Variants in FTO observed in about 807,000 individuals in gnomAD.
The protein encoded by FTO is FTO alpha-ketoglutarate dependent dioxygenase.
A neutral mutation model predicts 63.9 loss-of-function variants in FTO; 47 were observed. The ratio of observed to expected loss-of-function variants is 0.74; its 90% CI spans 0.58 to 0.94. FTO has a LOEUF of 0.94. Among genes scored for constraint, FTO ranks in the 40% least tolerant of loss-of-function variants. FTO has a pLI of 0.00. For missense variants in FTO, 562 were observed against 618.1 expected (o/e 0.91, Z 0.96); for synonymous variants, 207 against 224.4 (o/e 0.92, Z 0.69).
At chr16:53,887,101 G>T (rs541317982) in intron 6 of FTO, 1 of 152,304 alleles carries the variant, frequency 6.6e-6, no homozygotes, top group African/African-American at 2.4e-5. Context: ...GATTATTTTA[G>T]TTGCAAGGGG....
rs540090984 is a variant in FTO, at chr16:54,118,576, C to T, written c.*6661C>T. On this transcript the variant is annotated 3_prime_UTR_variant, in exon 9 of 9. Transcript: ENST00000471389. Reference sequence around the variant, plus strand: ...CCACATTACACAGGCTGGTTTCAAACTCCGAGGCTCAAGTGATCTGCCTGC... The same window carrying T: ...CCACATTACACAGGCTGGTTTCAAATTCCGAGGCTCAAGTGATCTGCCTGC... 1.3e-5 allele frequency: 2 copies of T among 152,124 alleles called. No homozygotes were observed. Among genetic ancestry groups the T allele is most frequent in the Non-Finnish European group, 1.5e-5 (1 of 68,060 alleles). The allele number at this position is 152,124 out of a possible 1,614,324, so 9.4% of individuals were successfully genotyped here. A position where few individuals can be genotyped will look rare whatever the true frequency, so the allele number is the denominator to read the frequency against.
intron 1 of FTO, among the ~76,000 whole-genome samples, chr16:53,734,891 G>A (rs2076355648): frequency 6.6e-6 from 1 of 152,166 alleles, no homozygotes; most frequent in South Asian, 2.1e-4. Context: ...AAGTCCCCTA[G>A]CACACTCCTT....
intron 2 of FTO, among the ~76,000 whole-genome samples, chr16:53,820,952 A>G (rs1598745986): frequency 6.6e-6 from 1 of 152,200 alleles, no homozygotes; most frequent in South Asian, 2.1e-4. Flanking sequence ...TCTGAGTGGG[A>G]AAAAAATGGA....
intron 7 of FTO, among the ~76,000 whole-genome samples, chr16:53,916,689 A>G (rs949495720): frequency 2.6e-4 from 39 of 152,380 alleles, no homozygotes; most frequent in African/African-American, 9.1e-4. Flanking sequence ...CAGTATCTGC[A>G]AACTTAAGGA....
intron 7 of FTO, among the ~76,000 whole-genome samples, chr16:53,893,659 A>C (rs1388264204): frequency 2.0e-5 from 3 of 151,806 alleles, no homozygotes; most frequent in Non-Finnish European, 4.4e-5. Flanking sequence ...TTTCCTATTG[A>C]CCTTAAAAAA....
intron 8 of FTO, chr16:54,000,080 T>C (rs1375071793): frequency 2.0e-5 from 3 of 152,240 alleles, no homozygotes; most frequent in Non-Finnish European, 2.9e-5. Flanking sequence ...TAAATGTTTA[T>C]ACTCTATTAG....
At chr16:53,765,545 G>A (rs2077179693) in intron 1 of FTO, among the ~76,000 whole-genome samples, 1 of 124,610 alleles carries the variant, frequency 8.0e-6, no homozygotes. Context: ...CAACAAGAGC[G>A]AAACTCCGTC....
At chr16:54,015,273 G>C (rs187063293) in intron 8 of FTO, among the ~76,000 whole-genome samples, 1 of 152,194 alleles carries the variant, frequency 6.6e-6, no homozygotes, top group African/African-American at 2.4e-5. Flanking sequence ...TTCATGTAAA[G>C]TATTAAACAT....
At chr16:53,995,465 A>G (rs1381258836) in intron 8 of FTO, among the ~76,000 whole-genome samples, 1 of 152,212 alleles carries the variant, frequency 6.6e-6, no homozygotes, top group Admixed American at 6.5e-5. Flanking sequence ...CACCATCGGG[A>G]GCTCACCAGA....
intron 7 of FTO, among the ~76,000 whole-genome samples, chr16:53,903,712 G>A (rs746040036): frequency 4.6e-5 from 7 of 152,088 alleles, no homozygotes; most frequent in Non-Finnish European, 7.4e-5. Context: ...GACTTCTACT[G>A]TCTTTAGTCT....
intron 8 of FTO, among the ~76,000 whole-genome samples, chr16:54,035,359 A>C (rs1415241205): frequency 6.6e-6 from 1 of 152,230 alleles, no homozygotes; most frequent in Non-Finnish European, 1.5e-5. Context: ...GTTGAGGGCA[A>C]CATGCGGAGT....
rs1228649019 is a variant in FTO at position 53,704,168 on chromosome 16, G to A, written c.-17G>A. 29 of 1,551,574 alleles carry A rather than the reference G, an allele frequency of 1.9e-5. 1 individual carries two copies. In the East Asian group the frequency reaches 5.9e-4, roughly 31 times the overall value. On this transcript the variant is annotated 5_prime_UTR_variant, in exon 1 of 9. Coordinates refer to ENST00000471389, the MANE Select transcript of FTO (RefSeq NM_001080432.3). The stretch of plus-strand genomic sequence containing the variant: ...ATCTACGCAGCTTGCGGTGGCGAAG[G>A]CGGCTTTAGTGGCAGCATGAAGCGC...
At chr16:53,793,567 A>G (rs10468280) in intron 1 of FTO, among the ~76,000 whole-genome samples, 45,355 of 152,136 alleles carry the variant, frequency 0.3, 8,224 homozygotes, top group Non-Finnish European at 0.41. Context: ...GTGCTGTCTT[A>G]GGGAGTACAT....
intron 1 of FTO, among the ~76,000 whole-genome samples, chr16:53,726,793 C>T (rs931091798): frequency 1.3e-5 from 2 of 152,186 alleles, no homozygotes; most frequent in African/African-American, 4.8e-5. Flanking sequence ...TGGAGCTTAA[C>T]CTCTGACCCT....
chr16:53,934,033 C>T lies in FTO; in HGVS notation c.1288C>T (p.Gln430Ter). The stretch of plus-strand genomic sequence containing the variant: ...TAAAAGAGAGGGGCTCCCCGTGGAA[C>T]AAAGGAATGAAATCTTGACTGCCAT... Reference protein sequence around the residue: ...EVKREGLPVEQRNEILTAILA... With the variant: ...EVKREGLPVE The change falls in exon 8 of 9, where the codon CAA (glutamine) becomes TAA (stop). Residue 430 changes from glutamine to a stop codon, truncating the protein, a stop_gained. Transcript: ENST00000471389. LOFTEE classifies it high-confidence loss of function. 2 of 1,614,014 alleles carry T rather than the reference C, an allele frequency of 1.2e-6. No homozygotes were observed. The highest frequency in any genetic ancestry group is 1.7e-6 in the Non-Finnish European group (2 of 1,179,886).
At chr16:53,950,311 G>C (rs963651689) in intron 8 of FTO, among the ~76,000 whole-genome samples, 1 of 151,946 alleles carries the variant, frequency 6.6e-6, no homozygotes, top group Non-Finnish European at 1.5e-5. Flanking sequence ...AAAAAGCCTC[G>C]TTACTGAGAA....
At chr16:54,019,238 G>A (rs867796404) in intron 8 of FTO, among the ~76,000 whole-genome samples, 5 of 152,266 alleles carry the variant, frequency 3.3e-5, no homozygotes, top group African/African-American at 1.2e-4. Flanking sequence ...CAAGGGAAAT[G>A]GAAGCACCAT....
intron 8 of FTO, among the ~76,000 whole-genome samples, chr16:54,111,442 A>G (rs906147672): frequency 1.3e-5 from 2 of 152,136 alleles, no homozygotes; most frequent in African/African-American, 4.8e-5. Flanking sequence ...CACTTTAAAT[A>G]ACAGTTGAGA....
In FTO at chr16:54,120,356, C is replaced by T. The variant is rs1346221112; in HGVS notation, c.*8441C>T. 1 of 152,226 alleles carries T rather than the reference C, an allele frequency of 6.6e-6. No homozygotes were observed. Among genetic ancestry groups the T allele is most frequent in the South Asian group, 2.1e-4 (1 of 4,822 alleles). The allele number at this position is 152,226 out of a possible 1,614,324, so 9.4% of individuals were successfully genotyped here. A position where few individuals can be genotyped will look rare whatever the true frequency, so the allele number is the denominator to read the frequency against. ...ACTCTTCAGTCTTAGCCAACACACA[C>T]TTGTTGATTCCTTCCGGAATGTCAG... On this transcript the variant is annotated 3_prime_UTR_variant, in exon 9 of 9. Transcript: ENST00000471389.
Sources: allele counts gnomAD v4.1 joint callset (sites outside exome capture counted in the v4.1 genomes callset), GRCh38; gene constraint gnomAD v4.1.1; transcripts MANE v1.5; gene names NCBI Gene and HGNC (gene_info 2026-07-23, HGNC 2026-07-21).